Variants in IRAG2 observed in about 807,000 individuals in gnomAD.
IRAG2 encodes lymphoid restricted membrane protein.
Under a neutral mutation model 69.9 loss-of-function variants are expected in IRAG2, and 45 were observed. The ratio of observed to expected loss-of-function variants is 0.64; its 90% confidence interval spans 0.51 to 0.83. IRAG2 has a LOEUF of 0.83. Among genes scored for constraint, IRAG2 ranks in the 40% least tolerant of loss-of-function variants. IRAG2 has a pLI of 0.00. For missense variants in IRAG2, 520 were observed against 587.0 expected (o/e 0.89, Z 1.18); for synonymous variants, 193 against 202.4 (o/e 0.95, Z 0.40).
chr12:25,024,653 G>T (rs1215408998), intron 8 of IRAG2, among the ~76,000 whole-genome samples: 1 of 152,218 alleles, frequency 6.6e-6, no homozygotes, highest in East Asian at 1.9e-4. Flanking sequence ...AGCACAATCT[G>T]GAGAGTTATT....
chr12:25,083,300 T>G, intron 9 of IRAG2, 123 bp from the exon 10 acceptor site: 1 of 743,238 alleles, frequency 1.3e-6, no homozygotes, highest in East Asian at 2.5e-5. Flanking sequence ...AGTTCATAAT[T>G]TGTCTCATAT....
chr12:25,014,366 G>A (rs1004236874), intron 3 of IRAG2, among the ~76,000 whole-genome samples: 3 of 152,120 alleles, frequency 2.0e-5, no homozygotes, highest in African/African-American at 7.2e-5. Context: ...GTGTGAACAC[G>A]AGAATAGTCA....
chr12:25,096,308 G>A (rs1948417645), intron 14 of IRAG2, among the ~76,000 whole-genome samples: 1 of 152,102 alleles, frequency 6.6e-6, no homozygotes, highest in Non-Finnish European at 1.5e-5. Context: ...TTAGAAATTT[G>A]CTCACAATCA....
chr12:25,097,920 T>C (rs1948518559), intron 15 of IRAG2, among the ~76,000 whole-genome samples: 1 of 152,248 alleles, frequency 6.6e-6, no homozygotes, highest in South Asian at 2.1e-4. Flanking sequence ...TGCTGCCATT[T>C]AGTGATTTAT....
chr12:25,094,176 GC>G (rs1948265389), intron 14 of IRAG2, among the ~76,000 whole-genome samples: 1 of 151,952 alleles, frequency 6.6e-6, no homozygotes, highest in Non-Finnish European at 1.5e-5. Context: ...ATGTCCTGAA[GC>G]TTTTCCCTTA....
chr12:25,040,216 A>G (rs1457671153), intron 16 of IRAG2, among the ~76,000 whole-genome samples: 3 of 152,210 alleles, frequency 2.0e-5, no homozygotes, highest in African/African-American at 7.2e-5. Flanking sequence ...TTTAGCTATG[A>G]ATAAGTAAAT....
At chr12:25,087,135 A>C (rs1270160829) in intron 10 of IRAG2, among the ~76,000 whole-genome samples, 1 of 134,450 alleles carries the variant, frequency 7.4e-6, no homozygotes, top group Non-Finnish European at 1.6e-5. Flanking sequence ...TCATGGTGTC[A>C]TGGTGCCACT....
chr12:25,030,288 A>G (rs1944658891), exon 10 of IRAG2: 1 of 1,231,720 alleles, frequency 8.1e-7, no homozygotes, highest in African/African-American at 1.5e-5. Context: ...ATGCAGTTAC[A>G]CACATATGAG....
At chr12:25,033,893 C>T in exon 13 of IRAG2, 1 of 398,986 alleles carries the variant, frequency 2.5e-6, no homozygotes. Flanking sequence ...ACAGTATCAT[C>T]TCTGAAGGAG....
chr12:25,069,008 A>G (rs1946163163), intron 5 of IRAG2, among the ~76,000 whole-genome samples: 1 of 152,200 alleles, frequency 6.6e-6, no homozygotes, highest in Non-Finnish European at 1.5e-5. Context: ...TTAAGTATAC[A>G]GACTCATCTT....
chr12:25,061,925 A>G (rs1945659385), intron 2 of IRAG2, among the ~76,000 whole-genome samples: 1 of 152,228 alleles, frequency 6.6e-6, no homozygotes, highest in Admixed American at 6.5e-5. Flanking sequence ...TATATCTATT[A>G]GCGAACAGCC....
the IRAG2 span, among the ~76,000 whole-genome samples, chr12:24,998,537 C>T: frequency 6.6e-6 from 1 of 150,924 alleles, no homozygotes; most frequent in Non-Finnish European, 1.5e-5. Context: ...GCTCTGCCCT[C>T]CCACTGAGCT....
chr12:25,068,052 G>C (rs1025509578), intron 5 of IRAG2, among the ~76,000 whole-genome samples: 2 of 152,084 alleles, frequency 1.3e-5, no homozygotes, highest in Non-Finnish European at 2.9e-5. Context: ...TGTTTGCCAG[G>C]CTGGTCTTGA....
chr12:25,059,793 AG>A (rs1295759599), intron 1 of IRAG2, among the ~76,000 whole-genome samples: 6 of 152,292 alleles, frequency 3.9e-5, no homozygotes, highest in Non-Finnish European at 8.8e-5. Context: ...ACCAAAAAAA[AG>A]TCCTATAAAA....
chr12:25,065,411 ACT>A (rs1945915246), intron 4 of IRAG2, among the ~76,000 whole-genome samples: 1 of 152,046 alleles, frequency 6.6e-6, no homozygotes, highest in African/African-American at 2.4e-5. Context: ...TTTCTATTAA[ACT>A]CTGCTGCTTC....
intron 14 of IRAG2, among the ~76,000 whole-genome samples, chr12:25,036,394 C>A (rs1187639457): frequency 1.3e-5 from 2 of 152,110 alleles, no homozygotes; most frequent in Non-Finnish European, 1.5e-5. Context: ...ATGTATAGAG[C>A]ACCTGATGAT....
intron 6 of IRAG2, among the ~76,000 whole-genome samples, chr12:25,074,622 T>C (rs1946557190): frequency 6.6e-6 from 1 of 152,140 alleles, no homozygotes; most frequent in Admixed American, 6.5e-5. Flanking sequence ...ACCTGAATCA[T>C]AGTAAAACCT....
chr12:25,044,493 T>A (rs1033157747), intron 16 of IRAG2, among the ~76,000 whole-genome samples: 6 of 152,180 alleles, frequency 3.9e-5, no homozygotes, highest in African/African-American at 1.4e-4. Flanking sequence ...ATATTAAATT[T>A]TAAAAAGCCC....
intron 6 of IRAG2, among the ~76,000 whole-genome samples, chr12:25,020,478 A>C (rs1565527780): frequency 2.0e-5 from 3 of 152,174 alleles, no homozygotes. Context: ...CTAACATTAC[A>C]TCTTCTTAGT....
Sources: allele counts gnomAD v4.1 joint callset (sites outside exome capture counted in the v4.1 genomes callset), GRCh38; gene constraint gnomAD v4.1.1; transcripts MANE v1.5; gene names NCBI Gene and HGNC (gene_info 2026-07-23, HGNC 2026-07-21).